The following SH3GL2 variants were observed in gnomAD, a reference collection of about 807,000 sequenced individuals.
SH3GL2 encodes the protein SH3 domain containing GRB2 like 2, endophilin A1, also known as endophilin-A1.
A neutral mutation model predicts 46.0 loss-of-function variants in SH3GL2; 24 were observed. The observed-to-expected ratio is 0.52, with a 90% confidence interval of 0.38 to 0.73. SH3GL2 has a LOEUF of 0.73. SH3GL2 is among the 30% of genes least tolerant of loss of function. The probability of loss-of-function intolerance (pLI) is 0.00; values close to 1 mark genes in which losing one functional copy is unlikely to be tolerated. For synonymous variants in SH3GL2, 196 were observed against 147.1 expected (o/e 1.33, Z -2.40); for missense variants, 413 against 424.2 (o/e 0.97, Z 0.23).
intron 1 of SH3GL2, among the ~76,000 whole-genome samples, chr9:17,720,414 G>A (rs188308538): frequency 6.6e-6 from 1 of 152,246 alleles, no homozygotes; most frequent in African/African-American, 2.4e-5. Context: ...CCTGCCTTGT[G>A]GTTGAGGAAG....
intron 1 of SH3GL2, among the ~76,000 whole-genome samples, chr9:17,616,280 G>C (rs1818995074): frequency 6.6e-6 from 1 of 152,184 alleles, no homozygotes; most frequent in Admixed American, 6.5e-5. Flanking sequence ...GATGACTTTT[G>C]TGATACACAC....
intron 1 of SH3GL2, among the ~76,000 whole-genome samples, chr9:17,618,270 A>G (rs3780246): frequency 0.031 from 4,710 of 152,248 alleles, 71 homozygotes; most frequent in African/African-American, 0.045. Flanking sequence ...GGACAAAAAA[A>G]TACCTCAGTA....
chr9:17,647,032 C>A (rs192054836), intron 1 of SH3GL2, among the ~76,000 whole-genome samples: 1 of 152,100 alleles, frequency 6.6e-6, no homozygotes, highest in Non-Finnish European at 1.5e-5. Flanking sequence ...ATCTATAAGC[C>A]CCTGACCGGG....
At chr9:17,627,495 A>G (rs952599097) in intron 1 of SH3GL2, among the ~76,000 whole-genome samples, 1 of 152,220 alleles carries the variant, frequency 6.6e-6, no homozygotes, top group African/African-American at 2.4e-5. Flanking sequence ...GTTAGCAAGC[A>G]GACCCTATCT....
At chr9:17,597,915 C>T (rs151322302) in intron 1 of SH3GL2, among the ~76,000 whole-genome samples, 9 of 152,246 alleles carry the variant, frequency 5.9e-5, no homozygotes, top group African/African-American at 1.4e-4. Context: ...GCCCATTAAC[C>T]GCCAGGCTCT....
At position 17,579,157 on chromosome 9, in the gene SH3GL2, G is replaced by C; in HGVS notation, c.-86G>C. Reference sequence around the variant, plus strand: ...GCGGCGGCACGACCAGAGGCGGCCAGGGGAGCGCGCCGCCCCGCTCGGCCC... The same window carrying C: ...GCGGCGGCACGACCAGAGGCGGCCACGGGAGCGCGCCGCCCCGCTCGGCCC... On this transcript the variant is annotated 5_prime_UTR_variant, in exon 1 of 9. Transcript: ENST00000380607. 2.0e-6 allele frequency: 2 copies of C among 991,368 alleles called. No individual in the cohort carries two copies. The highest frequency in any genetic ancestry group is 1.4e-6 in the Non-Finnish European group (1 of 706,456). 61.4% of individuals were successfully genotyped at this position (991,368 alleles called of 1,614,324 possible).
intron 1 of SH3GL2, among the ~76,000 whole-genome samples, chr9:17,608,084 G>A (rs1304705827): frequency 6.6e-6 from 1 of 151,620 alleles, no homozygotes; most frequent in Non-Finnish European, 1.5e-5. Flanking sequence ...ATATAAACAA[G>A]TGAGGAAGCT....
chr9:17,610,934 A>T (rs1818851641), intron 1 of SH3GL2, among the ~76,000 whole-genome samples: 1 of 152,140 alleles, frequency 6.6e-6, no homozygotes, highest in South Asian at 2.1e-4. Flanking sequence ...TACAGTGAAA[A>T]ATTACAGTCT....
chr9:17,590,189 A>G (rs1415375418), intron 1 of SH3GL2: 1 of 152,206 alleles, frequency 6.6e-6, no homozygotes, highest in Non-Finnish European at 1.5e-5. Flanking sequence ...TAATGTGTGT[A>G]CAGTGGCTTG....
Position 17,675,929 on chromosome 9 carries a change from A to C in SH3GL2, c.46-71137A>C, listed in dbSNP as rs1820596837. 4.6e-5 allele frequency among the ~76,000 whole-genome samples: 7 copies of C among 152,224 alleles called. No homozygotes were observed. In the South Asian group the frequency reaches 1.2e-3, roughly 27 times the overall value. On this transcript the variant is annotated intron_variant, in intron 1 of 8. Transcript: ENST00000380607. ...CACTGCACTCCAGCCTGGGCGACAG[A>C]GCGAGACTCCGTCTCAAAAAAATAA...
chr9:17,777,209 G>A (rs953364346), intron 3 of SH3GL2, among the ~76,000 whole-genome samples: 6 of 152,086 alleles, frequency 3.9e-5, no homozygotes, highest in African/African-American at 1.2e-4. Context: ...TCAATAAACT[G>A]TATATATTTT....
At chr9:17,628,717 T>G (rs1016693630) in intron 1 of SH3GL2, among the ~76,000 whole-genome samples, 11 of 152,120 alleles carry the variant, frequency 7.2e-5, no homozygotes, top group African/African-American at 2.7e-4. Context: ...TGGGTAGATT[T>G]TTTTCTAGCT....
chr9:17,595,667 G>A (rs540990265), intron 1 of SH3GL2, among the ~76,000 whole-genome samples: 21 of 152,310 alleles, frequency 1.4e-4, no homozygotes, highest in Middle Eastern at 3.4e-3. Flanking sequence ...AAGTAAATCT[G>A]TATGTCAATA....
At chr9:17,777,938 T>G (rs904038505) in intron 3 of SH3GL2, among the ~76,000 whole-genome samples, 2 of 151,964 alleles carry the variant, frequency 1.3e-5, no homozygotes, top group African/African-American at 4.8e-5. Context: ...ATCCCTATCT[T>G]TAGTTTTATA....
chr9:17,712,248 C>G (rs919171398), intron 1 of SH3GL2, among the ~76,000 whole-genome samples: 2 of 151,754 alleles, frequency 1.3e-5, no homozygotes, highest in Admixed American at 1.3e-4. Flanking sequence ...AATATTTTCT[C>G]CACATCTATG....
intron 2 of SH3GL2, among the ~76,000 whole-genome samples, chr9:17,747,563 G>C (rs955142232): frequency 6.6e-6 from 1 of 152,144 alleles, no homozygotes; most frequent in Admixed American, 6.5e-5. Context: ...ATGTATAGTG[G>C]AGAGAATACA....
intron 1 of SH3GL2, among the ~76,000 whole-genome samples, chr9:17,677,482 A>C (rs952162338): frequency 6.6e-6 from 1 of 152,118 alleles, no homozygotes; most frequent in Admixed American, 6.5e-5. Context: ...CATTCCCCTT[A>C]TGCATTAAAT....
intron 3 of SH3GL2, among the ~76,000 whole-genome samples, chr9:17,771,585 T>C (rs1823482676): frequency 6.6e-6 from 1 of 152,224 alleles, no homozygotes; most frequent in Non-Finnish European, 1.5e-5. Flanking sequence ...GGGTTGTGTA[T>C]TTTTCAGATT....
chr9:17,624,478 C>T (rs1039629655), intron 1 of SH3GL2, among the ~76,000 whole-genome samples: 2 of 152,170 alleles, frequency 1.3e-5, no homozygotes, highest in African/African-American at 4.8e-5. Context: ...TCCATGTTTA[C>T]CATTTAGCCT....
Sources: allele counts gnomAD v4.1 joint callset (sites outside exome capture counted in the v4.1 genomes callset), GRCh38; gene constraint gnomAD v4.1.1; transcripts MANE v1.5; gene names NCBI Gene and HGNC (gene_info 2026-07-23, HGNC 2026-07-21).